Variants in CLNS1A observed in about 807,000 individuals in gnomAD.
CLNS1A encodes chloride nucleotide-sensitive channel 1A.
A neutral mutation model predicts 29.4 loss-of-function variants in CLNS1A; 16 were observed. That is an observed-to-expected ratio of 0.54 (90% CI 0.37 to 0.83). CLNS1A has a LOEUF of 0.83. Ranked by LOEUF, CLNS1A falls within the 40% of genes least tolerant of loss-of-function variation. The pLI is 0.00. For synonymous variants in CLNS1A, 96 were observed against 104.8 expected (o/e 0.92, Z 0.51); for missense variants, 235 against 287.4 (o/e 0.82, Z 1.32).
chr11:77,630,888 A>C (rs775659074), intron 1 of CLNS1A, among the ~76,000 whole-genome samples: 1 of 152,326 alleles, frequency 6.6e-6, no homozygotes, highest in East Asian at 1.9e-4. Context: ...TGAAGAAAAT[A>C]TTCTAAAATG....
intron 2 of CLNS1A, among the ~76,000 whole-genome samples, chr11:77,627,797 G>T (rs1198040100): frequency 6.6e-6 from 1 of 152,158 alleles, no homozygotes; most frequent in East Asian, 1.9e-4. Flanking sequence ...AAATGCAAAT[G>T]ACTTGCCTAG....
chr11:77,636,381 T>C (rs1016334750), intron 1 of CLNS1A, among the ~76,000 whole-genome samples: 3 of 152,216 alleles, frequency 2.0e-5, no homozygotes, highest in African/African-American at 7.2e-5. Flanking sequence ...CACGGTCATA[T>C]GTACAACTAC....
rs940278461 is a variant in CLNS1A, at chr11:77,624,734, G to A, written c.472+229C>T. On this transcript the variant is annotated intron_variant, in intron 4 of 6. Transcript: ENST00000525428. ...CTTGGAAGGCTGAGGCAGGAGAATC[G>A]CTTGAACCTAGGAGGCAGAGGTTGC... Among the ~76,000 whole-genome samples, 23 of 151,856 alleles carry A rather than the reference G, an allele frequency of 1.5e-4. No homozygotes were observed. The South Asian group carries it at 2.3e-3, about 15-fold the overall frequency.
At position 77,623,707 on chromosome 11, in the gene CLNS1A, C is replaced by T. The variant is rs116552749; in HGVS notation, c.473-1034G>A. The stretch of plus-strand genomic sequence containing the variant: ...TTGGATATATTTAGGTATGTGATGG[C>T]GGATCCCAGAAATGTGTTTATCTCA... On this transcript the variant is annotated intron_variant, in intron 4 of 6. Transcript: ENST00000525428. Among the ~76,000 whole-genome samples the T allele has an allele frequency of 6.2e-3, 947 of 152,126 alleles. 9 individuals carry two copies. The highest frequency in any genetic ancestry group is 0.022 in the African/African-American group (919 of 41,502).
intron 1 of CLNS1A, among the ~76,000 whole-genome samples, chr11:77,630,787 C>A (rs745727161): frequency 2.5e-4 from 37 of 146,690 alleles, no homozygotes; most frequent in East Asian, 4.0e-4. Context: ...CTGAAGAAGT[C>A]AAAAAAAAAA....
At chr11:77,631,744 C>CT (rs1230491469) in intron 1 of CLNS1A, among the ~76,000 whole-genome samples, 2 of 150,526 alleles carry the variant, frequency 1.3e-5, no homozygotes, top group African/African-American at 4.9e-5. Context: ...AGTGATAAAT[C>CT]TTTGTTTTTT....
At chr11:77,620,426 CTCTT>C (rs1004401662) in intron 5 of CLNS1A, among the ~76,000 whole-genome samples, 11 of 152,192 alleles carry the variant, frequency 7.2e-5, no homozygotes, top group Non-Finnish European at 1.2e-4. Context: ...CCAATGAAAC[CTCTT>C]TCTTTTGCTA....
At chr11:77,617,599 A>G (rs927836334) in intron 6 of CLNS1A, among the ~76,000 whole-genome samples, 3 of 151,910 alleles carry the variant, frequency 2.0e-5, no homozygotes, top group African/African-American at 7.3e-5. Context: ...CCAGATGAAG[A>G]ATATGTATAA....
At chr11:77,622,092 A>C (rs550616490) in intron 5 of CLNS1A, 2 of 456,618 alleles carry the variant, frequency 4.4e-6, no homozygotes, top group Middle Eastern at 3.3e-4. Context: ...CCTATCGTGG[A>C]CTTCTAGCCT....
At chr11:77,624,045 T>C (rs1379496287) in intron 4 of CLNS1A, among the ~76,000 whole-genome samples, 1 of 152,188 alleles carries the variant, frequency 6.6e-6, no homozygotes, top group African/African-American at 2.4e-5. Flanking sequence ...AGAGGATTGC[T>C]TGGGCCCAGG....
chr11:77,632,978 T>C (rs1349810510), intron 1 of CLNS1A, among the ~76,000 whole-genome samples: 1 of 150,922 alleles, frequency 6.6e-6, no homozygotes, highest in Non-Finnish European at 1.5e-5. Flanking sequence ...TCCCAGCTAC[T>C]TGGGAGGCTG....
At chr11:77,617,281 T>A (rs1193143679) in intron 6 of CLNS1A, among the ~76,000 whole-genome samples, 1 of 144,034 alleles carries the variant, frequency 6.9e-6, no homozygotes, top group Non-Finnish European at 1.5e-5. Flanking sequence ...GGCAGGAGAA[T>A]CACTTGAACC....
intron 4 of CLNS1A, 46 bp from the exon 5 acceptor site, chr11:77,622,719 A>G: frequency 7.0e-7 from 1 of 1,418,772 alleles, no homozygotes. Context: ...CAATTAGAAA[A>G]AACAAAATGG....
intron 2 of CLNS1A, among the ~76,000 whole-genome samples, chr11:77,628,845 T>C (rs925989755): frequency 4.6e-5 from 7 of 152,216 alleles, no homozygotes; most frequent in Non-Finnish European, 7.3e-5. Flanking sequence ...TATCCTACAG[T>C]TTCTCAACCT....
chr11:77,628,048 T>A (rs1037661111), intron 2 of CLNS1A, among the ~76,000 whole-genome samples: 5 of 152,162 alleles, frequency 3.3e-5, no homozygotes, highest in African/African-American at 1.2e-4. Flanking sequence ...ATGGTCTCGA[T>A]CTCTTGACCT....
intron 6 of CLNS1A, among the ~76,000 whole-genome samples, chr11:77,617,755 T>C (rs1414369155): frequency 6.6e-6 from 1 of 150,862 alleles, no homozygotes; most frequent in African/African-American, 2.4e-5. Context: ...CTCTCTCTAC[T>C]AAAAATACAA....
At chr11:77,637,440 C>G in intron 1 of CLNS1A, 150 bp downstream of exon 1, 1 of 996,568 alleles carries the variant, frequency 1.0e-6, no homozygotes, top group South Asian at 1.9e-5. Flanking sequence ...GAGCCTTCCA[C>G]CCGCTACAGG....
intron 1 of CLNS1A, among the ~76,000 whole-genome samples, chr11:77,630,193 T>G (rs1241681951): frequency 6.6e-6 from 1 of 152,208 alleles, no homozygotes; most frequent in Non-Finnish European, 1.5e-5. Flanking sequence ...TTTTGGTATG[T>G]CTTCAAATAC....
intron 1 of CLNS1A, among the ~76,000 whole-genome samples, chr11:77,632,261 T>C (rs1225293055): frequency 6.6e-6 from 1 of 152,200 alleles, no homozygotes; most frequent in Non-Finnish European, 1.5e-5. Flanking sequence ...GCAAATAAAC[T>C]GCCCTTTTCT....
Sources: gnomAD v4.1 joint callset for allele counts (sites outside exome capture counted in the v4.1 genomes callset) on GRCh38, gnomAD v4.1.1 for gene constraint, MANE v1.5 for transcripts, NCBI Gene and HGNC (gene_info 2026-07-23, HGNC 2026-07-21) for gene names.